PDZD2: variants seen among roughly 807,000 people sequenced by gnomAD.
PDZD2 encodes PDZ domain-containing protein 2.
Under a neutral mutation model 220.7 loss-of-function variants are expected in PDZD2, and 90 were observed. The ratio of observed to expected loss-of-function variants is 0.41; its 90% CI spans 0.34 to 0.49. The LOEUF is 0.49. PDZD2 is among the 20% of genes least tolerant of loss of function. The pLI is 0.28. For synonymous variants in PDZD2, 1,375 were observed against 1,450.5 expected, an observed-to-expected ratio of 0.95 and a Z score of 1.18; for missense variants, 3,174 against 3,608.5, an observed-to-expected ratio of 0.88 and a Z score of 3.08.
Position 32,109,439 on chromosome 5 carries a change from C to CTT in PDZD2, c.*1305_*1306dup, listed in dbSNP as rs1745152736. The CTT allele has an allele frequency of 6.6e-6, 1 of 152,234 alleles. No homozygotes were observed. Among genetic ancestry groups the CTT allele is most frequent in the Non-Finnish European group, 1.5e-5 (1 of 68,032 alleles). The allele number at this position is 152,234 out of a possible 1,614,324, so 9.4% of individuals were successfully genotyped here. A position where few individuals can be genotyped will look rare whatever the true frequency, so the allele number is the denominator to read the frequency against. On this transcript the variant is annotated 3_prime_UTR_variant, in exon 25 of 25. Transcript: ENST00000438447. ...ACTCCTCCTCTGGTGGCATGAGCTG[C>CTT]TTCCCAGTAGCTATTCCGATTGGAT...
At chr5:31,847,656 TG>T (rs1757662376) in intron 2 of PDZD2, 1 of 614,238 alleles carries the variant, frequency 1.6e-6, no homozygotes, top group Admixed American at 1.8e-5. Flanking sequence ...ATGAATACAA[TG>T]TGGAAAGCAT....
intron 2 of PDZD2, among the ~76,000 whole-genome samples, chr5:31,940,044 G>A (rs1746082425): frequency 6.6e-6 from 1 of 152,184 alleles, no homozygotes; most frequent in South Asian, 2.1e-4. Flanking sequence ...CATACAAGCT[G>A]TGCCCCTCTT....
intron 1 of PDZD2, among the ~76,000 whole-genome samples, chr5:31,667,841 G>C (rs1217295745): frequency 1.4e-5 from 2 of 143,598 alleles, no homozygotes; most frequent in Non-Finnish European, 3.0e-5. Context: ...AGAACAAACT[G>C]CCTTTTTTTT....
chr5:31,931,378 G>A (rs1217295127), intron 2 of PDZD2, among the ~76,000 whole-genome samples: 1 of 152,126 alleles, frequency 6.6e-6, no homozygotes, highest in African/African-American at 2.4e-5. Flanking sequence ...GACTGGTTTC[G>A]AACTCCTGAC....
chr5:31,879,967 G>A (rs1233451731), intron 2 of PDZD2, among the ~76,000 whole-genome samples: 2 of 145,194 alleles, frequency 1.4e-5, no homozygotes, highest in Non-Finnish European at 3.0e-5. Context: ...AGGTTGGAGT[G>A]CAATGGCACG....
In PDZD2 at chr5:32,074,220, A is replaced by G; in HGVS notation, c.3114A>G (p.Ser1038=). The part of the protein sequence containing the change: ...KAISAPLLGS[S]VDLEESIPEG... ...TCTCGGCACCTCTTCTTGGTAGCTCAGTGGACTTAGAGGAGAGTATCCCAG... is the reference window on the plus strand; with the variant it reads ...TCTCGGCACCTCTTCTTGGTAGCTCGGTGGACTTAGAGGAGAGTATCCCAG... Residue 1038 remains serine (S), a synonymous_variant, in exon 18 of 25, where the codon TCA becomes TCG. Transcript: ENST00000438447. 1 of 1,614,228 alleles carries G rather than the reference A, an allele frequency of 6.2e-7. No homozygotes were observed. Among genetic ancestry groups the G allele is most frequent in the South Asian group, 1.1e-5 (1 of 91,088 alleles).
intron 6 of PDZD2, among the ~76,000 whole-genome samples, chr5:32,035,975 G>A (rs952662174): frequency 2.6e-5 from 4 of 151,992 alleles, no homozygotes; most frequent in Non-Finnish European, 4.4e-5. Flanking sequence ...ACAGAGTCTC[G>A]CTCTGTCGCC....
intron 19 of PDZD2, among the ~76,000 whole-genome samples, chr5:32,080,292 G>A (rs574834593): frequency 8.2e-4 from 117 of 142,536 alleles, no homozygotes; most frequent in Non-Finnish European, 1.5e-3. Context: ...AGCTTGCAGC[G>A]AGCTGAGATC....
At chr5:31,645,235 TG>T (rs1745090445) in intron 1 of PDZD2, among the ~76,000 whole-genome samples, 2 of 152,114 alleles carry the variant, frequency 1.3e-5, no homozygotes, top group Non-Finnish European at 2.9e-5. Flanking sequence ...GGGGCGTCCA[TG>T]GCATATTTGG....
intron 2 of PDZD2, among the ~76,000 whole-genome samples, chr5:31,882,235 AGAG>A (rs1162655787): frequency 6.6e-6 from 1 of 152,198 alleles, no homozygotes; most frequent in Non-Finnish European, 1.5e-5. Context: ...TCCTCTTAAC[AGAG>A]GAGGAAGCTC....
intron 1 of PDZD2, among the ~76,000 whole-genome samples, chr5:31,699,668 A>T (rs1747529652): frequency 6.6e-6 from 1 of 151,824 alleles, no homozygotes; most frequent in Non-Finnish European, 1.5e-5. Flanking sequence ...TAGTGGTGTG[A>T]TCTTGGCTCA....
intron 14 of PDZD2, among the ~76,000 whole-genome samples, chr5:32,063,062 T>TTATTATTATTATTATTA: frequency 1.3e-5 from 1 of 77,852 alleles, no homozygotes; most frequent in Non-Finnish European, 2.7e-5. Context: ...TATTATTATT[T>TTATTATTATTATTATTA]GAGACGGAGT....
At chr5:31,748,720 C>G (rs533355437) in intron 1 of PDZD2, among the ~76,000 whole-genome samples, 22 of 152,360 alleles carry the variant, frequency 1.4e-4, no homozygotes, top group Non-Finnish European at 3.1e-4. Flanking sequence ...GTCAGCAGCT[C>G]TGATCACACG....
chr5:31,925,761 C>A (rs370738731), intron 2 of PDZD2, among the ~76,000 whole-genome samples: 80 of 137,544 alleles, frequency 5.8e-4, no homozygotes, highest in Admixed American at 5.1e-4. Flanking sequence ...AGCCAACAAG[C>A]AAAAAAAAAA....
chr5:32,086,774 T>G (rs1242060878), intron 19 of PDZD2, among the ~76,000 whole-genome samples: 1 of 151,838 alleles, frequency 6.6e-6, no homozygotes, highest in East Asian at 1.9e-4. Flanking sequence ...CCTCCCAGGT[T>G]CAAGCAATTC....
At chr5:31,819,625 C>T (rs1258001075) in intron 2 of PDZD2, among the ~76,000 whole-genome samples, 1 of 146,458 alleles carries the variant, frequency 6.8e-6, no homozygotes, top group Non-Finnish European at 1.5e-5. Flanking sequence ...CCACTGCACT[C>T]CAGCCTGGGG....
At chr5:31,718,615 G>A (rs1748595090) in intron 1 of PDZD2, among the ~76,000 whole-genome samples, 1 of 151,710 alleles carries the variant, frequency 6.6e-6, no homozygotes, top group African/African-American at 2.4e-5. Context: ...CGCATCCCTG[G>A]TATCTCTCTC....
chr5:31,959,698 G>A (rs1456309581), intron 2 of PDZD2, among the ~76,000 whole-genome samples: 1 of 152,154 alleles, frequency 6.6e-6, no homozygotes, highest in African/African-American at 2.4e-5. Flanking sequence ...TCTAAAGCGA[G>A]GGAAGAAGCC....
intron 1 of PDZD2, among the ~76,000 whole-genome samples, chr5:31,704,089 T>C (rs539231161): frequency 3.0e-4 from 45 of 152,142 alleles, no homozygotes; most frequent in African/African-American, 1.1e-3. Flanking sequence ...CATAGATCAT[T>C]GCAACCTCAA....
Sources: gnomAD v4.1 joint callset for allele counts (sites outside exome capture counted in the v4.1 genomes callset) on GRCh38, gnomAD v4.1.1 for gene constraint, MANE v1.5 for transcripts, NCBI Gene and HGNC (gene_info 2026-07-23, HGNC 2026-07-21) for gene names.